TAOK3: variants seen among roughly 807,000 people sequenced by gnomAD.
The protein encoded by TAOK3 is TAO kinase 3.
Under a neutral mutation model 120.4 loss-of-function variants are expected in TAOK3, and 40 were observed. That is an observed-to-expected ratio of 0.33 (90% CI 0.26 to 0.43). The LOEUF is 0.43. Among genes scored for constraint, TAOK3 ranks in the 20% least tolerant of loss-of-function variants. The probability of loss-of-function intolerance (pLI) is 1.00; values close to 1 mark genes in which losing one functional copy is unlikely to be tolerated. For synonymous variants in TAOK3, 355 were observed against 387.5 expected (o/e 0.92, Z 0.99); for missense variants, 821 against 1,112.1 (o/e 0.74, Z 3.72).
rs141402225 is a variant in TAOK3 at position 118,217,434 on chromosome 12, C to T, written c.644-3324G>A. 3.5e-3 allele frequency among the ~76,000 whole-genome samples: 540 copies of T among 152,210 alleles called. 4 individuals are homozygous for T. The highest frequency in any genetic ancestry group is 0.013 in the African/African-American group (529 of 41,548). Reference sequence around the variant, plus strand: ...AGGCATGGTGGCTCATGCCTACAATCCCAGAACTTTGGGAGACTAAGCGGG... The same window carrying T: ...AGGCATGGTGGCTCATGCCTACAATTCCAGAACTTTGGGAGACTAAGCGGG... On this transcript the variant is annotated intron_variant, in intron 9 of 20. Coordinates refer to ENST00000392533, the MANE Select transcript of TAOK3 (RefSeq NM_016281.4).
intron 1 of TAOK3, among the ~76,000 whole-genome samples, chr12:118,329,311 T>C (rs2044054664): frequency 1.3e-5 from 2 of 152,188 alleles, no homozygotes; most frequent in South Asian, 4.1e-4. Context: ...TGCTAGAGTT[T>C]GGATTATTTT....
At chr12:118,230,528 G>T (rs1178061313) in intron 9 of TAOK3, among the ~76,000 whole-genome samples, 1 of 126,346 alleles carries the variant, frequency 7.9e-6, no homozygotes, top group Admixed American at 1.0e-4. Context: ...CTGGAGTGCA[G>T]TGGTGCGATC....
chr12:118,286,103 C>A (rs548757318), intron 1 of TAOK3, among the ~76,000 whole-genome samples: 1 of 152,282 alleles, frequency 6.6e-6, no homozygotes, highest in Non-Finnish European at 1.5e-5. Context: ...GAGTTACCAG[C>A]TTGACTTTTC....
intron 7 of TAOK3, chr12:118,236,500 A>G (rs1418805887): frequency 1.3e-5 from 2 of 152,204 alleles, no homozygotes; most frequent in Non-Finnish European, 2.9e-5. Context: ...TAAAAAAGGC[A>G]TGAGGTGTAA....
intron 11 of TAOK3, among the ~76,000 whole-genome samples, chr12:118,207,585 T>C (rs1444638138): frequency 1.3e-5 from 2 of 152,170 alleles, no homozygotes; most frequent in African/African-American, 4.8e-5. Flanking sequence ...CTGTATGCAG[T>C]GGCTCATGCC....
In TAOK3 at chr12:118,234,354, GAGTAGCTGGGACTACA is replaced by G. The variant is rs1173954065; in HGVS notation, c.552-605_552-590del. Among the ~76,000 whole-genome samples the G allele has an allele frequency of 7.1e-3, 1,061 of 150,122 alleles. 14 individuals are homozygous for G. Among genetic ancestry groups the G allele is most frequent in the African/African-American group, 0.015 (628 of 40,896 alleles). On this transcript the variant is annotated intron_variant, in intron 8 of 20. Transcript: ENST00000392533. ...TGCCATTCTCCTGTCTCAGACTCCCGAGTAGCTGGGACTACAAGTAGCTGGGACTACAGGCGCCTGC... is the reference window on the plus strand; with the variant it reads ...TGCCATTCTCCTGTCTCAGACTCCCGAGTAGCTGGGACTACAGGCGCCTGC...
At chr12:118,250,405 T>A (rs2040698185) in intron 3 of TAOK3, among the ~76,000 whole-genome samples, 1 of 152,216 alleles carries the variant, frequency 6.6e-6, no homozygotes, top group South Asian at 2.1e-4. Flanking sequence ...CAATTCACAC[T>A]AAGTTTATTC....
At chr12:118,308,357 G>C (rs756897609) in intron 1 of TAOK3, among the ~76,000 whole-genome samples, 2 of 151,924 alleles carry the variant, frequency 1.3e-5, no homozygotes, top group African/African-American at 4.8e-5. Context: ...TCTGTCTGTG[G>C]AGTAGCCATT....
intron 20 of TAOK3, among the ~76,000 whole-genome samples, chr12:118,151,928 T>C (rs530869327): frequency 6.6e-6 from 1 of 152,302 alleles, no homozygotes; most frequent in Non-Finnish European, 1.5e-5. Flanking sequence ...TCACAGTACC[T>C]TTCAGGTGTC....
chr12:118,258,435 C>T lies in TAOK3; in HGVS notation c.-88-2780G>A, dbSNP rs114972753. Among the ~76,000 whole-genome samples the T allele has an allele frequency of 8.7e-3, 1,321 of 152,174 alleles. 12 individuals are homozygous for T. The highest frequency in any genetic ancestry group is 0.029 in the African/African-American group (1,209 of 41,516). On this transcript the variant is annotated intron_variant, in intron 2 of 20. Transcript: ENST00000392533. The stretch of plus-strand genomic sequence containing the variant: ...ACAAAATGAGAGTTCAAAAACTGGC[C>T]GGGCGCAGTGGCTTACACCTGTAAT...
chr12:118,344,008 TAA>T (rs556715280), intron 1 of TAOK3, among the ~76,000 whole-genome samples: 2 of 134,090 alleles, frequency 1.5e-5, no homozygotes, highest in Non-Finnish European at 1.6e-5. Context: ...CGAGACTGTC[TAA>T]AAAAAAAAAA....
intron 19 of TAOK3, among the ~76,000 whole-genome samples, chr12:118,157,018 G>A (rs1417479485): frequency 3.3e-5 from 5 of 152,064 alleles, no homozygotes; most frequent in African/African-American, 1.2e-4. Context: ...AGGATTACAG[G>A]CATGAGCCAC....
At chr12:118,165,668 A>T (rs1243220218) in intron 17 of TAOK3, among the ~76,000 whole-genome samples, 2 of 152,206 alleles carry the variant, frequency 1.3e-5, no homozygotes, top group African/African-American at 4.8e-5. Context: ...CAAGTCTCTT[A>T]ATCTGTATTT....
chr12:118,236,329 A>G (rs1418658439), intron 7 of TAOK3: 1 of 152,230 alleles, frequency 6.6e-6, no homozygotes, highest in Admixed American at 6.5e-5. Context: ...GGGTTAGGAA[A>G]TTACATTTCT....
At chr12:118,366,196 G>A (rs2045737032) in intron 1 of TAOK3, among the ~76,000 whole-genome samples, 1 of 152,112 alleles carries the variant, frequency 6.6e-6, no homozygotes, top group Non-Finnish European at 1.5e-5. Flanking sequence ...CCCAGGAGGT[G>A]GAGGTTACAG....
Position 118,233,674 on chromosome 12 carries a change from C to A in TAOK3, c.643G>T (p.Ala215Ser). The change falls in exon 9 of 21, where the codon GCG (alanine) becomes TCG (serine). Residue 215 changes from alanine to serine, a missense_variant and splice_region_variant. By Grantham distance (99) the Ala-to-Ser change is moderately conservative. Coordinates refer to ENST00000392533, the MANE Select transcript of TAOK3 (RefSeq NM_016281.4). Reference protein sequence around the residue: ...WSLGITCIELAERKPPLFNMN... With the variant: ...WSLGITCIELSERKPPLFNMN... ...TGAAAACAAATAACTCTTTACTCAC[C>A]CAATTCAATACAAGTGATGCCAAGT... The A allele has an allele frequency of 6.3e-7, 1 of 1,596,532 alleles. No homozygotes were observed. The highest frequency in any genetic ancestry group is 8.6e-7 in the Non-Finnish European group (1 of 1,166,420).
chr12:118,272,548 A>G (rs185143169), intron 1 of TAOK3, among the ~76,000 whole-genome samples: 1 of 152,212 alleles, frequency 6.6e-6, no homozygotes, highest in African/African-American at 2.4e-5. Context: ...AATAAGAATT[A>G]GAATGTTTCA....
intron 1 of TAOK3, among the ~76,000 whole-genome samples, chr12:118,338,556 G>A (rs991564604): frequency 3.9e-5 from 6 of 151,940 alleles, no homozygotes; most frequent in African/African-American, 1.5e-4. Flanking sequence ...GGGAGGCCGA[G>A]GTGGGCGGAT....
In TAOK3 at chr12:118,186,946, A is replaced by T. The variant is rs564992754; in HGVS notation, c.1329+2861T>A. 3.9e-5 allele frequency among the ~76,000 whole-genome samples: 6 copies of T among 152,316 alleles called. No homozygotes were observed. In the South Asian group the frequency reaches 1.2e-3, roughly 32 times the overall value. On this transcript the variant is annotated intron_variant, in intron 14 of 20. Transcript: ENST00000392533. ...GGGCTTCTTCATATACTTGTCAGTA[A>T]CCTCATTCAAAAGCACAATGTTGAA...
Sources: allele counts gnomAD v4.1 joint callset (sites outside exome capture counted in the v4.1 genomes callset), GRCh38; gene constraint gnomAD v4.1.1; transcripts MANE v1.5; gene names NCBI Gene and HGNC (gene_info 2026-07-23, HGNC 2026-07-21).